The following TTC7B variants were observed in gnomAD, a reference collection of about 807,000 sequenced individuals.
TTC7B encodes tetratricopeptide repeat domain 7B, also known as tetratricopeptide repeat protein 7B.
A neutral mutation model predicts 106.8 loss-of-function variants in TTC7B; 28 were observed. That is an observed-to-expected ratio of 0.26 (90% CI 0.19 to 0.36). TTC7B has a LOEUF of 0.36. TTC7B is among the 10% of genes least tolerant of loss of function. The pLI is 1.00. For synonymous variants in TTC7B, 405 were observed against 430.6 expected, an observed-to-expected ratio of 0.94 and a Z score of 0.74; for missense variants, 862 against 1,076.4, an observed-to-expected ratio of 0.80 and a Z score of 2.79.
chr14:90,583,814 T>C (rs1366744856), intron 18 of TTC7B, among the ~76,000 whole-genome samples: 2 of 152,208 alleles, frequency 1.3e-5, no homozygotes, highest in Non-Finnish European at 2.9e-5. Context: ...TGGGTTACTA[T>C]GAAAAATGTG....
intron 16 of TTC7B, among the ~76,000 whole-genome samples, chr14:90,617,215 T>C (rs545399662): frequency 5.3e-5 from 8 of 152,312 alleles, no homozygotes; most frequent in Admixed American, 5.2e-4. Context: ...ATAAAGCAAG[T>C]GAATTTTGTT....
chr14:90,814,383 C>T (rs369861806), intron 1 of TTC7B, among the ~76,000 whole-genome samples: 1 of 152,216 alleles, frequency 6.6e-6, no homozygotes, highest in Non-Finnish European at 1.5e-5. Flanking sequence ...AATCACTTCT[C>T]ACTATCTGAA....
chr14:90,640,576 T>A (rs1256057405), intron 15 of TTC7B, among the ~76,000 whole-genome samples: 3 of 152,346 alleles, frequency 2.0e-5, no homozygotes, highest in African/African-American at 7.2e-5. Flanking sequence ...GTTCATTGTA[T>A]GATTTTAGAT....
At chr14:90,616,373 G>A (rs1893073635) in intron 16 of TTC7B, among the ~76,000 whole-genome samples, 1 of 152,324 alleles carries the variant, frequency 6.6e-6, no homozygotes, top group East Asian at 1.9e-4. Context: ...AAATTAAAAT[G>A]ATCTTTATTT....
At chr14:90,706,365 G>GT (rs1888212935) in intron 5 of TTC7B, among the ~76,000 whole-genome samples, 1 of 151,776 alleles carries the variant, frequency 6.6e-6, no homozygotes, top group Admixed American at 6.6e-5. Context: ...GGGTTTCACT[G>GT]TGTTAACCAG....
At chr14:90,591,685 G>A (rs1006313820) in intron 18 of TTC7B, among the ~76,000 whole-genome samples, 1 of 152,168 alleles carries the variant, frequency 6.6e-6, no homozygotes, top group African/African-American at 2.4e-5. Flanking sequence ...AATTTAAAAG[G>A]CAACTCTGCC....
chr14:90,632,928 ATGAC>A (rs1884764639), intron 15 of TTC7B, among the ~76,000 whole-genome samples: 1 of 152,236 alleles, frequency 6.6e-6, no homozygotes, highest in Non-Finnish European at 1.5e-5. Flanking sequence ...TGCTGAAAGA[ATGAC>A]TGATTAAATG....
chr14:90,583,624 G>A (rs987533485), intron 18 of TTC7B, among the ~76,000 whole-genome samples: 2 of 152,212 alleles, frequency 1.3e-5, no homozygotes, highest in African/African-American at 4.8e-5. Flanking sequence ...TGCTCCAGCT[G>A]CAGGGCAGGG....
At chr14:90,616,123 G>C (rs1023924368) in intron 16 of TTC7B, among the ~76,000 whole-genome samples, 3 of 152,318 alleles carry the variant, frequency 2.0e-5, no homozygotes, top group Middle Eastern at 3.4e-3. Context: ...GGGAACTGAG[G>C]GGAAATTGGC....
intron 4 of TTC7B, among the ~76,000 whole-genome samples, chr14:90,740,325 C>T (rs1889705666): frequency 6.6e-6 from 1 of 151,952 alleles, no homozygotes; most frequent in Non-Finnish European, 1.5e-5. Flanking sequence ...TGAGCACCGC[C>T]CCGGAAGCAC....
At chr14:90,660,420 A>G (rs549409016) in intron 9 of TTC7B, among the ~76,000 whole-genome samples, 128 of 146,192 alleles carry the variant, frequency 8.8e-4, no homozygotes, top group Middle Eastern at 6.9e-3. Flanking sequence ...AAAAAAAAAA[A>G]AGAAAAGAAA....
rs911186877 is a variant in TTC7B at position 90,624,528 on chromosome 14, T to C, written c.1752-6483A>G. ...AGTACCTCACACCCTAGTTTAGTTT[T>C]AGCCTTGGCCCCACCCCAGTGAGTC... is the stretch of plus-strand genomic sequence containing the variant. On this transcript the variant is annotated intron_variant, in intron 15 of 19. Coordinates refer to ENST00000328459, the MANE Select transcript of TTC7B (RefSeq NM_001010854.2). The surrounding 1 kb of genome is among the most constrained non-coding windows in gnomAD (Gnocchi z 4.0). Among the ~76,000 whole-genome samples, 2 of 152,170 alleles carry C rather than the reference T, an allele frequency of 1.3e-5. No homozygotes were observed. The highest frequency in any genetic ancestry group is 2.9e-5 in the Non-Finnish European group (2 of 68,016).
rs1889195147 is a variant in TTC7B, at chr14:90,528,294, A to G, written c.*13074T>C. On this transcript the variant is annotated 3_prime_UTR_variant, in exon 20 of 20. Coordinates refer to ENST00000328459, the MANE Select transcript of TTC7B (RefSeq NM_001010854.2). ...TCAGTGGCTACAGACAACCCTCCAA[A>G]TGGTCAGTTAAGAACCAGGGCCACA... 1 of 152,166 alleles carries G rather than the reference A, an allele frequency of 6.6e-6. No individual in the cohort carries two copies. Among genetic ancestry groups the G allele is most frequent in the African/African-American group, 2.4e-5 (1 of 41,436 alleles). The allele number at this position is 152,166 out of a possible 1,614,324, so 9.4% of individuals were successfully genotyped here.
At chr14:90,739,494 A>G (rs755402614) in intron 4 of TTC7B, among the ~76,000 whole-genome samples, 20 of 152,192 alleles carry the variant, frequency 1.3e-4, no homozygotes, top group Non-Finnish European at 2.5e-4. Flanking sequence ...CCTCAGCGAC[A>G]TCACTGCAAA....
intron 17 of TTC7B, among the ~76,000 whole-genome samples, chr14:90,609,513 T>C (rs1424175467): frequency 1.3e-5 from 2 of 152,210 alleles, no homozygotes; most frequent in Middle Eastern, 3.2e-3. Context: ...GGATAGGTTT[T>C]TCCCAGGACA....
intron 13 of TTC7B, chr14:90,648,934 T>G (rs1192976837): frequency 6.6e-6 from 1 of 152,210 alleles, no homozygotes. Flanking sequence ...ATTCATATTC[T>G]TCACGAATAA....
chr14:90,632,859 G>T (rs1216961987), intron 15 of TTC7B, among the ~76,000 whole-genome samples: 1 of 152,208 alleles, frequency 6.6e-6, no homozygotes, highest in Non-Finnish European at 1.5e-5. Context: ...TTAAAAATGT[G>T]TAAAGTGTTA....
chr14:90,780,421 A>G (rs1891172632), intron 3 of TTC7B, among the ~76,000 whole-genome samples: 1 of 149,592 alleles, frequency 6.7e-6, no homozygotes, highest in Non-Finnish European at 1.5e-5. Flanking sequence ...GAAAGAAAGA[A>G]AGAAAGAAAG....
At chr14:90,609,700 TG>T (rs1249356333) in intron 17 of TTC7B, among the ~76,000 whole-genome samples, 1 of 151,966 alleles carries the variant, frequency 6.6e-6, no homozygotes, top group Non-Finnish European at 1.5e-5. Context: ...CCCCTGTGGG[TG>T]GGGGAGAAGG....
Sources: allele counts gnomAD v4.1 joint callset (sites outside exome capture counted in the v4.1 genomes callset), GRCh38; gene constraint gnomAD v4.1.1; non-coding constraint Gnocchi (gnomAD v3.1); transcripts MANE v1.5; gene names NCBI Gene and HGNC (gene_info 2026-07-23, HGNC 2026-07-21).